HSPA4L: variants seen among roughly 807,000 people sequenced by gnomAD.
HSPA4L encodes heat shock 70 kDa protein 4L.
In HSPA4L, 48 loss-of-function variants were observed where a neutral mutation model predicts 100.3. The ratio of observed to expected loss-of-function variants is 0.48; its 90% CI spans 0.38 to 0.61. The LOEUF is 0.61. Among genes scored for constraint, HSPA4L ranks in the 20% least tolerant of loss-of-function variants. The pLI, the probability that HSPA4L is intolerant of heterozygous loss-of-function variation, is 0.00. For missense variants in HSPA4L, 886 were observed against 988.6 expected (o/e 0.90, Z 1.39); for synonymous variants, 319 against 328.2 (o/e 0.97, Z 0.30).
rs1734322701 is a variant in HSPA4L, at chr4:127,839,846, A to G, written c.*6972A>G. On this transcript the variant is annotated 3_prime_UTR_variant, in exon 19 of 19. Transcript: ENST00000296464. ...CTTTTATATTTGGTAGGATAAAGCC[A>G]TTGTCCTTTAATACCATAGCAAATA... 1.3e-5 allele frequency: 2 copies of G among 152,230 alleles called. No homozygotes were observed. Among genetic ancestry groups the G allele is most frequent in the Non-Finnish European group, 2.9e-5 (2 of 68,034 alleles). 9.4% of individuals were successfully genotyped at this position (152,230 alleles called of 1,614,324 possible). A position where few individuals can be genotyped will look rare whatever the true frequency, so the allele number is the denominator to read the frequency against.
At chr4:127,807,637 C>A (rs1280935131) in intron 10 of HSPA4L, among the ~76,000 whole-genome samples, 3 of 151,814 alleles carry the variant, frequency 2.0e-5, no homozygotes, top group Non-Finnish European at 4.4e-5. Flanking sequence ...TTAAAGGTAG[C>A]CAGAATTAAA....
rs907662682 is a variant in HSPA4L, at chr4:127,807,710, G to GA, written c.1245-279dup. 3.9e-5 allele frequency among the ~76,000 whole-genome samples: 6 copies of GA among 152,060 alleles called. No individual in the cohort carries two copies. The East Asian group carries it at 5.8e-4, about 15-fold the overall frequency. On this transcript the variant is annotated intron_variant, in intron 10 of 18. Transcript: ENST00000296464. The stretch of plus-strand genomic sequence containing the variant: ...TAGGACTTGGCCCTCATATGTGAGG[G>GA]AAAAAAACCATACACATTGGCCTTA...
rs1734191574 is a variant in HSPA4L, at chr4:127,835,746, G to A, written c.*2872G>A. The A allele has an allele frequency of 6.6e-6, 1 of 151,182 alleles. No individual in the cohort carries two copies. The highest frequency in any genetic ancestry group is 2.4e-5 in the African/African-American group (1 of 41,170). The allele number at this position is 151,182 out of a possible 1,614,324, so 9.4% of individuals were successfully genotyped here. A position where few individuals can be genotyped will look rare whatever the true frequency, so the allele number is the denominator to read the frequency against. ...CTTCCAAAAAACTAGAAAGAGCACA[G>A]CAAAGAATTTGGCTATTGAAATAAC... On this transcript the variant is annotated 3_prime_UTR_variant, in exon 19 of 19. Transcript: ENST00000296464.
At position 127,827,433 on chromosome 4, in the gene HSPA4L, T is replaced by C. The variant is rs770807786; in HGVS notation, c.2166+9T>C. ...AAGCTTATAGAAACAAGGTATTGAA[T>C]TCATAAAGCCAATTGGTGACGATGG... On this transcript the variant is annotated intron_variant, in intron 17 of 18. Coordinates refer to ENST00000296464, the MANE Select transcript of HSPA4L (RefSeq NM_014278.4). 4 of 1,613,434 alleles carry C rather than the reference T, an allele frequency of 2.5e-6. No individual in the cohort carries two copies. The highest frequency in any genetic ancestry group is 3.4e-6 in the Non-Finnish European group (4 of 1,179,640).
At chr4:127,810,013 C>T (rs1463453411) in intron 11 of HSPA4L, among the ~76,000 whole-genome samples, 6 of 152,000 alleles carry the variant, frequency 3.9e-5, no homozygotes, top group Non-Finnish European at 8.8e-5. Flanking sequence ...TAAAACAAAC[C>T]CCAAGAATAA....
In HSPA4L at chr4:127,809,336, C is replaced by T. The variant is rs1472952344; in HGVS notation, c.1378+1207C>T. 18 of 1,141,572 alleles carry T rather than the reference C, an allele frequency of 1.6e-5. No individual in the cohort carries two copies. In the East Asian group the frequency reaches 2.1e-4, roughly 13 times the overall value. The allele number at this position is 1,141,572 out of a possible 1,614,324, so 70.7% of individuals were successfully genotyped here. On this transcript the variant is annotated intron_variant, in intron 11 of 18. Transcript: ENST00000296464. ...GTCTTAATAAGGACTTCTGGGATCACGCTGAGCCGCAGTATATTGCAGCCC... is the reference window on the plus strand; with the variant it reads ...GTCTTAATAAGGACTTCTGGGATCATGCTGAGCCGCAGTATATTGCAGCCC...
chr4:127,833,038 C>A lies in HSPA4L; in HGVS notation c.*164C>A. The A allele has an allele frequency of 4.2e-6, 2 of 472,230 alleles. No homozygotes were observed. The highest frequency in any genetic ancestry group is 3.7e-6 in the Non-Finnish European group (1 of 271,318). 29.3% of individuals were successfully genotyped at this position (472,230 alleles called of 1,614,324 possible). A position where few individuals can be genotyped will look rare whatever the true frequency, so the allele number is the denominator to read the frequency against. On this transcript the variant is annotated 3_prime_UTR_variant, in exon 19 of 19. Coordinates refer to ENST00000296464, the MANE Select transcript of HSPA4L (RefSeq NM_014278.4). ...GTTTTATATTGAGTGCACTTCTGTTCATTTCCATTGCTGCTTATATGCAGT... is the reference window on the plus strand; with the variant it reads ...GTTTTATATTGAGTGCACTTCTGTTAATTTCCATTGCTGCTTATATGCAGT...
At chr4:127,830,257 A>C (rs1734045412) in intron 17 of HSPA4L, among the ~76,000 whole-genome samples, 1 of 152,124 alleles carries the variant, frequency 6.6e-6, no homozygotes, top group Non-Finnish European at 1.5e-5. Context: ...TCTAATCAAG[A>C]ATTTAATATG....
chr4:127,797,601 A>C (rs957180917), intron 3 of HSPA4L, among the ~76,000 whole-genome samples: 17 of 136,480 alleles, frequency 1.2e-4, no homozygotes, highest in African/African-American at 4.6e-4. Flanking sequence ...CTTTAAAAAA[A>C]ATTTTTTTTT....
At chr4:127,814,944 T>A (rs940611505) in intron 12 of HSPA4L, among the ~76,000 whole-genome samples, 1 of 152,214 alleles carries the variant, frequency 6.6e-6, no homozygotes, top group African/African-American at 2.4e-5. Flanking sequence ...AATACCATTA[T>A]AAAGTAGTCT....
Position 127,811,609 on chromosome 4 carries a change from A to G in HSPA4L, c.1551A>G (p.Ser517=). The G allele has an allele frequency of 6.2e-7, 1 of 1,613,436 alleles. No homozygotes were observed. Among genetic ancestry groups the G allele is most frequent in the South Asian group, 1.1e-5 (1 of 91,038 alleles). The change falls in exon 12 of 19, where the codon TCA becomes TCG. Residue 517 remains serine, a synonymous_variant. Transcript: ENST00000296464. The part of the protein sequence containing the change: ...HSDAPMETET[S]FKNENKDNMD... ...ATGCTCCAATGGAGACAGAAACTTC[A>G]TTTAAAAATGAAAACAAAGATAATA...
At chr4:127,827,214 T>C in intron 16 of HSPA4L, 91 bp from the exon 17 acceptor site, 2 of 1,035,758 alleles carry the variant, frequency 1.9e-6, no homozygotes, top group Non-Finnish European at 2.9e-6. Context: ...GTCCATCTTT[T>C]CTTCCTATTT....
At chr4:127,817,701 T>TCAC (rs1733703196) in intron 12 of HSPA4L, among the ~76,000 whole-genome samples, 1 of 152,192 alleles carries the variant, frequency 6.6e-6, no homozygotes, top group African/African-American at 2.4e-5. Flanking sequence ...ATATCAAAAC[T>TCAC]CAAAGTGCAT....
intron 1 of HSPA4L, among the ~76,000 whole-genome samples, chr4:127,793,193 G>C (rs1220672442): frequency 6.6e-6 from 1 of 152,088 alleles, no homozygotes; most frequent in African/African-American, 2.4e-5. Context: ...CTATATATCA[G>C]GAATGTCTAT....
In HSPA4L at chr4:127,803,598, A is replaced by C. The variant is rs766879139; in HGVS notation, c.664-31A>C. 9 of 1,469,702 alleles carry C rather than the reference A, an allele frequency of 6.1e-6. No homozygotes were observed. The South Asian group carries it at 1.4e-4, about 23-fold the overall frequency. The allele number at this position is 1,469,702 out of a possible 1,614,324, so 91.0% of individuals were successfully genotyped here. On this transcript the variant is annotated intron_variant, in intron 6 of 18. Transcript: ENST00000296464. ...TTTTTTGGAAGAATCTATATTTCTG[A>C]AAATACAGTTCTGCTTTTTCAATTA...
chr4:127,829,269 T>C (rs566735921), intron 17 of HSPA4L, among the ~76,000 whole-genome samples: 10 of 152,020 alleles, frequency 6.6e-5, no homozygotes, highest in South Asian at 6.2e-4. Context: ...TGGTTGAAAA[T>C]AGGGGTAAGT....
chr4:127,826,232 AC>A, intron 16 of HSPA4L, among the ~76,000 whole-genome samples: 1 of 152,004 alleles, frequency 6.6e-6, no homozygotes, highest in East Asian at 1.9e-4. Context: ...ACAAAGCAAG[AC>A]CCCATCTCTA....
In HSPA4L at chr4:127,839,744, T is replaced by C. The variant is rs1734319670; in HGVS notation, c.*6870T>C. ...AAATGGAAATCTAGGTAAAGGAAGC[T>C]TTAAAATGTTGTATTTTTTCCCTGA... On this transcript the variant is annotated 3_prime_UTR_variant, in exon 19 of 19. Transcript: ENST00000296464. 6.6e-6 allele frequency: 1 copy of C among 151,838 alleles called. No individual in the cohort carries two copies. The highest frequency in any genetic ancestry group is 6.6e-5 in the Admixed American group (1 of 15,252). The allele number at this position is 151,838 out of a possible 1,614,324, so 9.4% of individuals were successfully genotyped here.
rs1269286382 is a variant in HSPA4L at position 127,839,562 on chromosome 4, G to A, written c.*6688G>A. On this transcript the variant is annotated 3_prime_UTR_variant, in exon 19 of 19. Transcript: ENST00000296464. ...GAAAAATTTAGCCGGGTGTGGTGGTGTGTGCCTATAGTCCCAGCTATTCGG... is the reference window on the plus strand; with the variant it reads ...GAAAAATTTAGCCGGGTGTGGTGGTATGTGCCTATAGTCCCAGCTATTCGG... The A allele has an allele frequency of 6.6e-6, 1 of 152,004 alleles. No individual in the cohort carries two copies. The highest frequency in any genetic ancestry group is 2.4e-5 in the African/African-American group (1 of 41,350). The allele number at this position is 152,004 out of a possible 1,614,324, so 9.4% of individuals were successfully genotyped here. A position where few individuals can be genotyped will look rare whatever the true frequency, so the allele number is the denominator to read the frequency against.
Sources: allele counts gnomAD v4.1 joint callset (sites outside exome capture counted in the v4.1 genomes callset), GRCh38; gene constraint gnomAD v4.1.1; transcripts MANE v1.5; gene names NCBI Gene and HGNC (gene_info 2026-07-23, HGNC 2026-07-21).